Variants in POLQ observed in about 807,000 individuals in gnomAD.
POLQ encodes DNA polymerase theta.
POLQ carries 233 observed loss-of-function variants against 259.2 expected under a neutral mutation model. The observed-to-expected ratio is 0.90, with a 90% CI of 0.81 to 1.00. The LOEUF (loss-of-function observed/expected upper bound fraction) is 1.00, where lower values mean the gene tolerates loss of function less well. Among genes scored for constraint, POLQ ranks in the 50% least tolerant of loss-of-function variants. The pLI is 0.00. For synonymous variants in POLQ, 1,025 were observed against 1,048.8 expected, an observed-to-expected ratio of 0.98 and a Z score of 0.44; for missense variants, 2,871 against 3,051.6, an observed-to-expected ratio of 0.94 and a Z score of 1.39.
intron 7 of POLQ, among the ~76,000 whole-genome samples, chr3:121,524,182 G>T (rs1334632004): frequency 1.3e-5 from 2 of 152,088 alleles, no homozygotes; most frequent in Non-Finnish European, 2.9e-5. Context: ...ATTATAAATG[G>T]CCATGGTAAA....
At chr3:121,442,108 G>A (rs2047597313) in intron 26 of POLQ, among the ~76,000 whole-genome samples, 1 of 152,062 alleles carries the variant, frequency 6.6e-6, no homozygotes, top group South Asian at 2.1e-4. Flanking sequence ...TGGAACTACT[G>A]CAAATATTTC....
At position 121,544,718 on chromosome 3, in the gene POLQ, T is replaced by C. The variant is rs1421375925; in HGVS notation, c.343+9A>G. ...AAAAATAGTAATTAGTTTACATAAATTTGGATACCTGAATAAACTAAATTC... is the reference window on the plus strand; with the variant it reads ...AAAAATAGTAATTAGTTTACATAAACTTGGATACCTGAATAAACTAAATTC... On this transcript the variant is annotated intron_variant, in intron 2 of 29. Coordinates refer to ENST00000264233, the MANE Select transcript of POLQ (RefSeq NM_199420.4). 1 of 1,559,750 alleles carries C rather than the reference T, an allele frequency of 6.4e-7. No individual in the cohort carries two copies. The highest frequency in any genetic ancestry group is 1.4e-5 in the African/African-American group (1 of 73,664).
chr3:121,464,126 G>A (rs1304248936), intron 24 of POLQ, among the ~76,000 whole-genome samples: 2 of 152,190 alleles, frequency 1.3e-5, no homozygotes, highest in African/African-American at 4.8e-5. Context: ...TTTTTTGACT[G>A]ATATCACACA....
chr3:121,483,911 G>A (rs575913), intron 17 of POLQ, among the ~76,000 whole-genome samples: 120,129 of 152,122 alleles, frequency 0.79, 47,568 homozygotes, highest in East Asian at 0.89. Context: ...ATTTGGAAAT[G>A]AATTTTAAAG....
At chr3:121,507,000 T>A (rs2048213622) in intron 12 of POLQ, among the ~76,000 whole-genome samples, 2 of 152,134 alleles carry the variant, frequency 1.3e-5, no homozygotes, top group South Asian at 4.1e-4. Flanking sequence ...GTATAATGTA[T>A]ACAGCATGCT....
intron 19 of POLQ, 73 bp from the exon 20 acceptor site, chr3:121,476,806 T>C (rs1422171953): frequency 1.0e-6 from 1 of 1,000,232 alleles, no homozygotes; most frequent in Non-Finnish European, 1.5e-6. Context: ...ACCTAAACTA[T>C]ACAGAATTCA....
At chr3:121,448,848 T>C (rs1236867080) in intron 26 of POLQ, among the ~76,000 whole-genome samples, 2 of 152,168 alleles carry the variant, frequency 1.3e-5, no homozygotes, top group African/African-American at 4.8e-5. Flanking sequence ...TTTTTCAGGG[T>C]GAATCTAATT....
chr3:121,432,347 T>C lies in POLQ; in HGVS notation c.7730A>G (p.Lys2577Arg), dbSNP rs746660883. ...KLSVKLKVKVKIGASWGELKD... is the reference protein window; with the variant it reads ...KLSVKLKVKVRIGASWGELKD... ...TAGCTCTCCCCAGCTGGCGCCTATT[T>C]TCACTTTCACTTTCAATTTCACAGA... is the stretch of plus-strand genomic sequence containing the variant. The change falls in exon 30 of 30, where the codon AAA becomes AGA. Residue 2577 changes from lysine (K) to arginine (R), a missense_variant. Lys to Arg is a conservative substitution (Grantham distance 26). This residue lies in a region of POLQ where 2,080 missense variants were observed against 2,126.0 expected (regional missense o/e 0.98). Coordinates refer to ENST00000264233, the MANE Select transcript of POLQ (RefSeq NM_199420.4). 1 of 1,607,828 alleles carries C rather than the reference T, an allele frequency of 6.2e-7. No individual in the cohort carries two copies.
chr3:121,490,444 C>T lies in POLQ; in HGVS notation c.2523-36G>A, dbSNP rs180952575. The T allele has an allele frequency of 2.7e-6, 4 of 1,507,664 alleles. No homozygotes were observed. In the East Asian group the frequency reaches 9.0e-5, roughly 34 times the overall value. 93.4% of individuals were successfully genotyped at this position (1,507,664 alleles called of 1,614,324 possible). On this transcript the variant is annotated intron_variant, in intron 15 of 29. Transcript: ENST00000264233. ...AGATGGGAAAAGACAGAAATGAATT[C>T]ATTCATTCGTAAGGCAAGTATTTAT...
At chr3:121,491,817 G>A (rs1438242848) in intron 15 of POLQ, among the ~76,000 whole-genome samples, 5 of 152,134 alleles carry the variant, frequency 3.3e-5, no homozygotes, top group Non-Finnish European at 7.4e-5. Flanking sequence ...ATGCAGACCA[G>A]TACCAGTCCA....
chr3:121,474,280 T>C (rs1342794587), intron 20 of POLQ, among the ~76,000 whole-genome samples: 1 of 152,186 alleles, frequency 6.6e-6, no homozygotes, highest in Non-Finnish European at 1.5e-5. Flanking sequence ...TGGGCCCTGA[T>C]AGTCCCTAGG....
At chr3:121,522,467 G>A (rs930874355) in intron 7 of POLQ, among the ~76,000 whole-genome samples, 1 of 149,446 alleles carries the variant, frequency 6.7e-6, no homozygotes. Flanking sequence ...GCCTGCCACC[G>A]CGCCCGGCTA....
chr3:121,436,930 A>C (rs1321991930), intron 27 of POLQ, among the ~76,000 whole-genome samples: 2 of 152,024 alleles, frequency 1.3e-5, no homozygotes, highest in African/African-American at 2.4e-5. Flanking sequence ...GGAAGAGTAG[A>C]GAAGGGAGTC....
At chr3:121,471,322 A>C (rs1238043454) in intron 22 of POLQ, among the ~76,000 whole-genome samples, 1 of 152,164 alleles carries the variant, frequency 6.6e-6, no homozygotes, top group East Asian at 1.9e-4. Context: ...GAGAAATCTT[A>C]AGAGGCTCAA....
At chr3:121,493,922 G>A (rs1420816016) in intron 14 of POLQ, among the ~76,000 whole-genome samples, 2 of 152,144 alleles carry the variant, frequency 1.3e-5, no homozygotes, top group East Asian at 3.8e-4. Context: ...TAAGTTTTAT[G>A]AGATGACATT....
rs553709078 is a variant in POLQ at position 121,493,818 on chromosome 3, T to C, written c.2279-97A>G. On this transcript the variant is annotated intron_variant, in intron 14 of 29. Transcript: ENST00000264233. ...TTTATATTTTCTTTTGTTTTTTCCC[T>C]GCAAAATTGTAAGATTTAACAAGGC... 2.7e-5 allele frequency: 32 copies of C among 1,172,764 alleles called. No individual in the cohort carries two copies. The African/African-American group carries it at 2.8e-4, about 10-fold the overall frequency. 72.6% of individuals were successfully genotyped at this position (1,172,764 alleles called of 1,614,324 possible). A position where few individuals can be genotyped will look rare whatever the true frequency, so the allele number is the denominator to read the frequency against.
intron 25 of POLQ, among the ~76,000 whole-genome samples, chr3:121,451,035 A>G (rs1339892475): frequency 6.6e-6 from 1 of 151,538 alleles, no homozygotes; most frequent in Non-Finnish European, 1.5e-5. Flanking sequence ...CATTTCATTT[A>G]TTTGATCATC....
At chr3:121,486,165 G>T (rs2108796508) in intron 16 of POLQ, among the ~76,000 whole-genome samples, 1 of 152,312 alleles carries the variant, frequency 6.6e-6, no homozygotes, top group South Asian at 2.1e-4. Flanking sequence ...CTTGGAAAAT[G>T]TAGCTAATGT....
chr3:121,521,139 C>T (rs2108812930), intron 8 of POLQ, among the ~76,000 whole-genome samples: 1 of 152,034 alleles, frequency 6.6e-6, no homozygotes, highest in East Asian at 1.9e-4. Flanking sequence ...TACCCAAAGT[C>T]AAAAATATAA....
Sources: allele counts gnomAD v4.1 joint callset (sites outside exome capture counted in the v4.1 genomes callset), GRCh38; gene constraint gnomAD v4.1.1; regional missense constraint gnomAD v4.1.1; transcripts MANE v1.5; gene names NCBI Gene and HGNC (gene_info 2026-07-23, HGNC 2026-07-21).